Variants in RBFOX1 observed in about 807,000 individuals in gnomAD.
RBFOX1 encodes the protein RNA binding fox-1 homolog 1.
In RBFOX1, 8 loss-of-function variants were observed where a neutral mutation model predicts 57.7. The observed-to-expected ratio is 0.14, with a 90% CI of 0.08 to 0.25. The LOEUF is 0.25. Ranked by LOEUF, RBFOX1 falls within the 10% of genes least tolerant of loss-of-function variation. The pLI, the probability that RBFOX1 is intolerant of heterozygous loss-of-function variation, is 1.00. For missense variants in RBFOX1, 611 were observed against 548.5 expected (o/e 1.11, Z -1.14); for synonymous variants, 326 against 222.4 (o/e 1.47, Z -4.15).
chr16:7,094,519 CTA>C (rs1265629317), intron 4 of RBFOX1, among the ~76,000 whole-genome samples: 1 of 152,090 alleles, frequency 6.6e-6, no homozygotes, highest in East Asian at 1.9e-4. Context: ...CTTTGCATTC[CTA>C]TGTCATCTTC....
chr16:7,259,812 C>G (rs114687087), intron 4 of RBFOX1, among the ~76,000 whole-genome samples: 2,901 of 151,954 alleles, frequency 0.019, 66 homozygotes, highest in African/African-American at 0.06. Context: ...TACCTTTTCT[C>G]CAGAAAGGAT....
intron 3 of RBFOX1, among the ~76,000 whole-genome samples, chr16:6,895,274 C>T (rs890425652): frequency 3.3e-4 from 50 of 151,552 alleles, no homozygotes; most frequent in Admixed American, 2.5e-3. Flanking sequence ...TCCTGATTCC[C>T]AGAATCCCCT....
rs112352518 is a variant in RBFOX1, at chr16:7,523,843, A to G, written c.270+5454A>G. Among the ~76,000 whole-genome samples, 128 of 152,220 alleles carry G rather than the reference A, an allele frequency of 8.4e-4. 1 individual carries two copies. The highest frequency in any genetic ancestry group is 1.2e-4 in the Non-Finnish European group (8 of 68,042). ...TCCTTTCCTGATCTACACCAGCAGA[A>G]CGTGGTCTATGACAAGTTTACTTCA... On this transcript the variant is annotated intron_variant, in intron 5 of 15. Transcript: ENST00000550418.
At chr16:6,135,160 C>A (rs1383263279) in intron 1 of RBFOX1, among the ~76,000 whole-genome samples, 1 of 152,124 alleles carries the variant, frequency 6.6e-6, no homozygotes, top group Non-Finnish European at 1.5e-5. Flanking sequence ...TTTTCAGAAG[C>A]CATGCTTCAG....
chr16:5,792,676 C>T (rs990417740), intron 3 of RBFOX1, among the ~76,000 whole-genome samples: 2 of 152,088 alleles, frequency 1.3e-5, no homozygotes, highest in Admixed American at 6.6e-5. Context: ...AACCCCGTCT[C>T]TACTAAAAAT....
chr16:5,676,049 A>T (rs972949164), intron 3 of RBFOX1, among the ~76,000 whole-genome samples: 7 of 152,172 alleles, frequency 4.6e-5, no homozygotes, highest in African/African-American at 1.7e-4. Flanking sequence ...ACACATGGAC[A>T]TGGTGATCGG....
At chr16:7,218,141 C>T (rs12924675) in intron 4 of RBFOX1, among the ~76,000 whole-genome samples, 1 of 151,964 alleles carries the variant, frequency 6.6e-6, no homozygotes, top group African/African-American at 2.4e-5. Context: ...CTGAATCATC[C>T]CACCTTGCTG....
chr16:5,808,071 T>C (rs1277190037), intron 3 of RBFOX1, among the ~76,000 whole-genome samples: 1 of 152,206 alleles, frequency 6.6e-6, no homozygotes, highest in African/African-American at 2.4e-5. Flanking sequence ...TTGTCCCCAG[T>C]CCCATTTCAA....
intron 5 of RBFOX1, among the ~76,000 whole-genome samples, chr16:7,557,294 A>G (rs2088857071): frequency 6.6e-6 from 1 of 152,124 alleles, no homozygotes; most frequent in Non-Finnish European, 1.5e-5. Flanking sequence ...AAAAATGACC[A>G]AAATACAATA....
chr16:6,589,562 T>C (rs2097681446), intron 2 of RBFOX1, among the ~76,000 whole-genome samples: 6 of 152,204 alleles, frequency 3.9e-5, no homozygotes. Context: ...ACCACTGGTC[T>C]TATATTTTAC....
At chr16:6,761,699 G>C (rs545972979) in intron 3 of RBFOX1, among the ~76,000 whole-genome samples, 2 of 151,378 alleles carry the variant, frequency 1.3e-5, no homozygotes, top group Non-Finnish European at 2.9e-5. Flanking sequence ...TAGAGACGAG[G>C]TTTCACGAAC....
chr16:6,603,456 T>C (rs1274214284), intron 2 of RBFOX1, among the ~76,000 whole-genome samples: 7 of 152,202 alleles, frequency 4.6e-5, no homozygotes, highest in Non-Finnish European at 1.0e-4. Context: ...AATGGACTGT[T>C]GATTTAAGAA....
At chr16:6,855,118 G>C (rs953975012) in intron 3 of RBFOX1, among the ~76,000 whole-genome samples, 1 of 152,060 alleles carries the variant, frequency 6.6e-6, no homozygotes, top group Non-Finnish European at 1.5e-5. Context: ...GGAGTTGACA[G>C]ATTCCAGCAC....
chr16:6,582,289 T>A (rs1196234132), intron 2 of RBFOX1, among the ~76,000 whole-genome samples: 1 of 152,200 alleles, frequency 6.6e-6, no homozygotes, highest in Non-Finnish European at 1.5e-5. Context: ...AATCATCGCA[T>A]AAACTTGAAA....
intron 4 of RBFOX1, among the ~76,000 whole-genome samples, chr16:7,172,351 T>C (rs2080865103): frequency 6.6e-6 from 1 of 152,196 alleles, no homozygotes; most frequent in Non-Finnish European, 1.5e-5. Flanking sequence ...ATCTTCCTAA[T>C]AAAGTATATA....
At chr16:5,318,443 T>G (rs2064303275) in intron 1 of RBFOX1, among the ~76,000 whole-genome samples, 1 of 152,132 alleles carries the variant, frequency 6.6e-6, no homozygotes, top group Non-Finnish European at 1.5e-5. Context: ...TACTGATATC[T>G]AATCCAGCCG....
At chr16:7,259,524 C>G (rs17143116) in intron 4 of RBFOX1, among the ~76,000 whole-genome samples, 3,089 of 150,704 alleles carry the variant, frequency 0.02, 52 homozygotes, top group South Asian at 0.053. Flanking sequence ...ACATCATTTA[C>G]TGAGAGAAAC....
intron 4 of RBFOX1, among the ~76,000 whole-genome samples, chr16:5,998,405 C>T (rs558784797): frequency 1.5e-4 from 23 of 152,316 alleles, no homozygotes; most frequent in African/African-American, 5.3e-4. Flanking sequence ...AAAAAATAAT[C>T]AGTAGTTTAA....
Position 7,612,059 on chromosome 16 carries a change from C to T in RBFOX1, c.676+4721C>T, listed in dbSNP as rs142737575. On this transcript the variant is annotated intron_variant, in intron 10 of 15. Transcript: ENST00000550418. ...ATGATTTGCCGGGCGCGGTGGCTCA[C>T]GCCTGTAATCCCAGCACTTTGGGAG... 1.2e-3 allele frequency among the ~76,000 whole-genome samples: 182 copies of T among 152,202 alleles called. 2 individuals are homozygous for T. In the East Asian group the frequency reaches 0.022, roughly 19 times the overall value.
Sources: gnomAD v4.1 joint callset for allele counts (sites outside exome capture counted in the v4.1 genomes callset) on GRCh38, gnomAD v4.1.1 for gene constraint, MANE v1.5 for transcripts, NCBI Gene and HGNC (gene_info 2026-07-23, HGNC 2026-07-21) for gene names.